MIGA1: variants seen among roughly 807,000 people sequenced by gnomAD.
The protein encoded by MIGA1 is family with sequence similarity 73, member A.
Under a neutral mutation model 82.0 loss-of-function variants are expected in MIGA1, and 58 were observed. That is an observed-to-expected ratio of 0.71 (90% CI 0.57 to 0.88). The LOEUF is 0.88. Ranked by LOEUF, MIGA1 falls within the 40% of genes least tolerant of loss-of-function variation. The pLI, the probability that MIGA1 is intolerant of heterozygous loss-of-function variation, is 0.00. For missense variants in MIGA1, 751 were observed against 749.1 expected, an observed-to-expected ratio of 1.00 and a Z score of -0.03; for synonymous variants, 249 against 253.6, an observed-to-expected ratio of 0.98 and a Z score of 0.17.
chr1:77,845,435 A>G (rs1684800812), intron 8 of MIGA1, among the ~76,000 whole-genome samples: 1 of 152,164 alleles, frequency 6.6e-6, no homozygotes, highest in Non-Finnish European at 1.5e-5. Context: ...CTAATATGCA[A>G]CTTTAAAAAA....
chr1:77,809,011 T>G (rs1683210733), intron 5 of MIGA1, among the ~76,000 whole-genome samples: 1 of 152,156 alleles, frequency 6.6e-6, no homozygotes, highest in African/African-American at 2.4e-5. Flanking sequence ...CTTGGGAGGC[T>G]GAGGCAGGAG....
At chr1:77,870,085 G>A (rs1289716691) in intron 14 of MIGA1, among the ~76,000 whole-genome samples, 4 of 113,820 alleles carry the variant, frequency 3.5e-5, no homozygotes, top group East Asian at 6.2e-4. Context: ...CTGGCCGGGC[G>A]GGGGGCTGAC....
At chr1:77,823,529 C>T (rs965775530) in intron 7 of MIGA1, among the ~76,000 whole-genome samples, 2 of 152,130 alleles carry the variant, frequency 1.3e-5, no homozygotes, top group Non-Finnish European at 2.9e-5. Context: ...AATAGCATTT[C>T]ATGTTAAATT....
At chr1:77,802,762 C>G in intron 3 of MIGA1, among the ~76,000 whole-genome samples, 1 of 149,372 alleles carries the variant, frequency 6.7e-6, no homozygotes, top group East Asian at 2.0e-4. Context: ...GCCAGGGTGA[C>G]AGAGTGAGAT....
chr1:77,813,244 A>G (rs1291852468), intron 5 of MIGA1, among the ~76,000 whole-genome samples: 1 of 152,090 alleles, frequency 6.6e-6, no homozygotes, highest in Non-Finnish European at 1.5e-5. Flanking sequence ...GGGCTCCCAA[A>G]GTGCTGGGAT....
rs535909619 is a variant in MIGA1 at position 77,801,508 on chromosome 1, G to A, written c.373G>A (p.Gly125Ser). Residue 125 changes from glycine to serine, a missense_variant and splice_region_variant, in exon 3 of 16, where the codon GGT becomes AGT. By Grantham distance (56) the Gly-to-Ser change is moderately conservative. Transcript: ENST00000370791. Reference sequence around the variant, plus strand: ...CACTAAAAGAGCAGCATCAGACAAAGGTATGTGGAAATAGTTGAAGTAAGT... The same window carrying A: ...CACTAAAAGAGCAGCATCAGACAAAAGTATGTGGAAATAGTTGAAGTAAGT... The A allele has an allele frequency of 1.3e-6, 2 of 1,591,854 alleles. No individual in the cohort carries two copies. Among genetic ancestry groups the A allele is most frequent in the African/African-American group, 2.7e-5 (2 of 73,622 alleles).
chr1:77,814,910 T>A (rs964448052), intron 6 of MIGA1, among the ~76,000 whole-genome samples, 198 bp from the exon 7 acceptor site: 5 of 152,184 alleles, frequency 3.3e-5, no homozygotes, highest in African/African-American at 9.7e-5. Context: ...ACTGAATCAC[T>A]AAGAACTAAG....
rs573932881 is a variant in MIGA1 at position 77,824,619 on chromosome 1, G to A, written c.895+9388G>A. On this transcript the variant is annotated intron_variant, in intron 7 of 15. Transcript: ENST00000370791. ...GAAGGAGGTGATACTGATACAAAATGGTTTACTAGTAATATTTTGTGTTTT... is the reference window on the plus strand; with the variant it reads ...GAAGGAGGTGATACTGATACAAAATAGTTTACTAGTAATATTTTGTGTTTT... Among the ~76,000 whole-genome samples, 6 of 152,220 alleles carry A rather than the reference G, an allele frequency of 3.9e-5. No homozygotes were observed. The South Asian group carries it at 1.2e-3, about 32-fold the overall frequency.
intron 4 of MIGA1, among the ~76,000 whole-genome samples, chr1:77,805,674 C>T (rs1356377297): frequency 2.6e-5 from 4 of 151,694 alleles, no homozygotes; most frequent in Non-Finnish European, 2.9e-5. Flanking sequence ...GGATTACAGG[C>T]GTGCACCACC....
chr1:77,827,262 C>T (rs1158154618), intron 7 of MIGA1, among the ~76,000 whole-genome samples: 2 of 152,010 alleles, frequency 1.3e-5, no homozygotes, highest in African/African-American at 2.4e-5. Context: ...TCTTAATAGC[C>T]AGATTGGACA....
chr1:77,784,889 G>C (rs1264592622), intron 2 of MIGA1, among the ~76,000 whole-genome samples: 1 of 152,142 alleles, frequency 6.6e-6, no homozygotes, highest in Non-Finnish European at 1.5e-5. Context: ...TTTTGAAACT[G>C]TCAGATATTG....
At chr1:77,816,017 C>T (rs1327360101) in intron 7 of MIGA1, among the ~76,000 whole-genome samples, 1 of 152,210 alleles carries the variant, frequency 6.6e-6, no homozygotes, top group East Asian at 1.9e-4. Flanking sequence ...GATCTTGGCT[C>T]AACTCAAACT....
chr1:77,872,443 T>C (rs1156644006), intron 14 of MIGA1, among the ~76,000 whole-genome samples: 1 of 151,768 alleles, frequency 6.6e-6, no homozygotes, highest in Non-Finnish European at 1.5e-5. Context: ...CTACTAAAAA[T>C]AGAAAAAATT....
At chr1:77,832,307 T>G (rs962127267) in intron 7 of MIGA1, among the ~76,000 whole-genome samples, 47 of 152,218 alleles carry the variant, frequency 3.1e-4, no homozygotes, top group African/African-American at 1.1e-3. Flanking sequence ...CTGTAATATT[T>G]ATTTAGCAAA....
chr1:77,821,390 A>ATTTTT (rs199521038), intron 7 of MIGA1, among the ~76,000 whole-genome samples: 1 of 137,618 alleles, frequency 7.3e-6, no homozygotes. Flanking sequence ...ATAGTTTTAG[A>ATTTTT]TTTTTTTTTT....
intron 13 of MIGA1, among the ~76,000 whole-genome samples, chr1:77,865,473 G>T (rs1354984152): frequency 6.6e-6 from 1 of 152,018 alleles, no homozygotes; most frequent in Non-Finnish European, 1.5e-5. Context: ...TGTGCCTGTG[G>T]TTTCAGTTAC....
chr1:77,857,619 G>T (rs369522261), intron 8 of MIGA1, among the ~76,000 whole-genome samples: 1 of 151,782 alleles, frequency 6.6e-6, no homozygotes, highest in Non-Finnish European at 1.5e-5. Flanking sequence ...GTTTGAGGCC[G>T]CAGAGTTATG....
In MIGA1 at chr1:77,801,377, T is replaced by A. The variant is rs746376147; in HGVS notation, c.242T>A (p.Val81Glu). 3.8e-6 allele frequency: 6 copies of A among 1,590,212 alleles called. No individual in the cohort carries two copies. The highest frequency in any genetic ancestry group is 5.1e-6 in the Non-Finnish European group (6 of 1,174,342). ...AAAAAGTTGTTTGTGGTAACTGCAG[T>A]GAGTGCTATATCTGTAATTTTTCTG... Residue 81 changes from valine (V) to glutamate (E), a missense_variant, in exon 3 of 16, where the codon GTG (valine) becomes GAG (glutamate). By Grantham distance (121) the Val-to-Glu change is moderately radical (BLOSUM62 -2). Coordinates refer to ENST00000370791, the MANE Select transcript of MIGA1 (RefSeq NM_198549.4).
chr1:77,834,174 CT>C (rs373764730), intron 7 of MIGA1, among the ~76,000 whole-genome samples: 1 of 151,298 alleles, frequency 6.6e-6, no homozygotes, highest in African/African-American at 2.4e-5. Flanking sequence ...TCATATATAA[CT>C]TTTTTTTTCT....
Sources: allele counts gnomAD v4.1 joint callset (sites outside exome capture counted in the v4.1 genomes callset), GRCh38; gene constraint gnomAD v4.1.1; transcripts MANE v1.5; gene names NCBI Gene and HGNC (gene_info 2026-07-23, HGNC 2026-07-21).